BICD1: variants seen among roughly 807,000 people sequenced by gnomAD.
The protein encoded by BICD1 is protein bicaudal D homolog 1.
BICD1 carries 35 observed loss-of-function variants against 92.5 expected under a neutral mutation model. The observed-to-expected ratio is 0.38, with a 90% CI of 0.29 to 0.50. The LOEUF (loss-of-function observed/expected upper bound fraction) is 0.50, where lower values mean the gene tolerates loss of function less well. Among genes scored for constraint, BICD1 ranks in the 20% least tolerant of loss-of-function variants. The pLI is 0.93. For missense variants in BICD1, 950 were observed against 1,189.8 expected, an observed-to-expected ratio of 0.80 and a Z score of 2.97; for synonymous variants, 429 against 465.1, an observed-to-expected ratio of 0.92 and a Z score of 1.00.
intron 4 of BICD1, among the ~76,000 whole-genome samples, chr12:32,311,537 G>A (rs1444396693): frequency 6.6e-6 from 1 of 152,160 alleles, no homozygotes; most frequent in Non-Finnish European, 1.5e-5. Context: ...GTTTGGTTCA[G>A]AAAGGTGGGA....
chr12:32,109,752 T>A (rs1941618509), intron 1 of BICD1: 1 of 152,002 alleles, frequency 6.6e-6, no homozygotes, highest in African/African-American at 2.4e-5. Flanking sequence ...CCTATTATTT[T>A]TATTCTTTAA....
intron 7 of BICD1, chr12:32,338,582 C>CT (rs1376709018): frequency 3.5e-5 from 16 of 452,824 alleles, no homozygotes; most frequent in Non-Finnish European, 4.9e-5. Context: ...TGTAATAAAT[C>CT]TTTTTTCCAG....
At chr12:32,108,015 A>G in intron 1 of BICD1, 1 of 351,098 alleles carries the variant, frequency 2.8e-6, no homozygotes, top group Non-Finnish European at 5.4e-6. Flanking sequence ...TTGGTGAGAG[A>G]GGGAACTCCT....
intron 2 of BICD1, among the ~76,000 whole-genome samples, chr12:32,235,634 A>C (rs1329242994): frequency 2.0e-5 from 3 of 151,346 alleles, no homozygotes; most frequent in Non-Finnish European, 4.4e-5. Context: ...TCTTTTCAAC[A>C]GCATATGCTC....
chr12:32,251,480 T>C (rs1292473805), intron 2 of BICD1, among the ~76,000 whole-genome samples: 3 of 98,034 alleles, frequency 3.1e-5, no homozygotes, highest in Admixed American at 9.1e-5. Context: ...TCCTGGAGGC[T>C]CTAGGGAAGA....
chr12:32,128,115 G>T (rs1486383671), intron 1 of BICD1, among the ~76,000 whole-genome samples: 1 of 152,156 alleles, frequency 6.6e-6, no homozygotes, highest in African/African-American at 2.4e-5. Context: ...TGTTGGCCAG[G>T]CTGGTCTCAA....
intron 1 of BICD1, among the ~76,000 whole-genome samples, chr12:32,132,073 G>A (rs940135010): frequency 6.6e-6 from 1 of 152,180 alleles, no homozygotes; most frequent in Non-Finnish European, 1.5e-5. Context: ...ATTTGAGCAA[G>A]ATGGGAAAAT....
intron 8 of BICD1, 43 bp from the exon 9 acceptor site, chr12:32,367,627 G>C (rs375154665): frequency 3.2e-6 from 5 of 1,578,870 alleles, no homozygotes; most frequent in Non-Finnish European, 4.3e-6. Flanking sequence ...ACCTTGCTCT[G>C]TCATCTCTTT....
At chr12:32,244,544 G>A (rs1164849393) in intron 2 of BICD1, among the ~76,000 whole-genome samples, 2 of 151,954 alleles carry the variant, frequency 1.3e-5, no homozygotes, top group African/African-American at 4.8e-5. Context: ...CCAGCTGACA[G>A]GTACACAAGG....
At chr12:32,249,849 G>T (rs1946482710) in intron 2 of BICD1, among the ~76,000 whole-genome samples, 1 of 151,752 alleles carries the variant, frequency 6.6e-6, no homozygotes, top group Non-Finnish European at 1.5e-5. Context: ...GCATGACTTT[G>T]GTTCCCAGGA....
At chr12:32,281,288 G>A (rs1442657246) in intron 2 of BICD1, among the ~76,000 whole-genome samples, 1 of 152,110 alleles carries the variant, frequency 6.6e-6, no homozygotes, top group Non-Finnish European at 1.5e-5. Flanking sequence ...TTGCCCAGTT[G>A]TTAAGTCTGG....
chr12:32,282,853 C>T (rs896243785), intron 2 of BICD1, among the ~76,000 whole-genome samples: 2 of 152,184 alleles, frequency 1.3e-5, no homozygotes, highest in African/African-American at 2.4e-5. Context: ...CCAATGACAA[C>T]GTGCAAGTTG....
At chr12:32,108,490 A>G (rs1189248820) in intron 1 of BICD1, 2 of 483,336 alleles carry the variant, frequency 4.1e-6, no homozygotes, top group Non-Finnish European at 7.4e-6. Context: ...TTGAGGCACT[A>G]TGGGTAGCAA....
intron 8 of BICD1, among the ~76,000 whole-genome samples, chr12:32,346,556 A>G (rs1412795858): frequency 5.9e-4 from 16 of 27,232 alleles, no homozygotes; most frequent in East Asian, 3.8e-3. Context: ...ATATATATAT[A>G]TATATATATA....
intron 8 of BICD1, among the ~76,000 whole-genome samples, chr12:32,365,663 C>G (rs1169085795): frequency 6.6e-6 from 1 of 152,114 alleles, no homozygotes; most frequent in African/African-American, 2.4e-5. Context: ...CAGCACACAC[C>G]TGGTTGACTT....
Position 32,306,119 on chromosome 12 carries a change from G to A in BICD1, c.1002G>A (p.Met334Ile), listed in dbSNP as rs1275849281. The A allele has an allele frequency of 1.9e-6, 3 of 1,592,340 alleles. No homozygotes were observed. The Admixed American group carries it at 5.3e-5, about 28-fold the overall frequency. Reference sequence around the variant, plus strand: ...TACAGAAGTTGAAGCAGCAGCTTATGCAGGTAAGAACTTTGTTTAGGGCCG... The same window carrying A: ...TACAGAAGTTGAAGCAGCAGCTTATACAGGTAAGAACTTTGTTTAGGGCCG... ...SEIQKLKQQL[M>I]QVEREKAILL... The change falls in exon 4 of 10, where the codon ATG becomes ATA. Residue 334 changes from methionine (M) to isoleucine (I), a missense_variant. Around this residue, in one of 5 missense-constraint regions of BICD1, gnomAD observed 246 missense variants for 258.4 expected, o/e 0.95. Coordinates refer to ENST00000652176, the MANE Select transcript of BICD1 (RefSeq NM_001714.4).
rs201842580 is a variant in BICD1 at position 32,337,588 on chromosome 12, G to A, written c.2342G>A (p.Arg781Gln). The A allele has an allele frequency of 3.7e-6, 6 of 1,614,168 alleles. No individual in the cohort carries two copies. The highest frequency in any genetic ancestry group is 5.1e-6 in the Non-Finnish European group (6 of 1,180,042). Residue 781 changes from arginine (R) to glutamine (Q), a missense_variant, in exon 7 of 10, where the codon CGA becomes CAA. Physicochemically the swap from Arg to Gln is conservative, Grantham distance 43 (BLOSUM62 1). Coordinates refer to ENST00000652176, the MANE Select transcript of BICD1 (RefSeq NM_001714.4). This position sits in a 1 kb window ranked among gnomAD's most constrained non-coding sequence, Gnocchi z 4.7. Reference protein sequence around the residue: ...DEKKTLNTLLRMAIQQKLALT... With the variant: ...DEKKTLNTLLQMAIQQKLALT... ...AAGAAGACTCTGAACACTTTGTTAC[G>A]AATGGCTATCCAGCAAAAACTCGCC...
chr12:32,247,560 C>T (rs1946420535), intron 2 of BICD1, among the ~76,000 whole-genome samples: 1 of 152,102 alleles, frequency 6.6e-6, no homozygotes, highest in African/African-American at 2.4e-5. Flanking sequence ...GGGCAGATCA[C>T]TCGAGGTCAG....
chr12:32,354,857 T>C (rs1158215033), intron 8 of BICD1, among the ~76,000 whole-genome samples: 1 of 152,226 alleles, frequency 6.6e-6, no homozygotes, highest in East Asian at 1.9e-4. Flanking sequence ...TTATATATAA[T>C]ATTTCTTTCT....
Sources: allele counts gnomAD v4.1 joint callset (sites outside exome capture counted in the v4.1 genomes callset), GRCh38; gene constraint gnomAD v4.1.1; regional missense constraint gnomAD v4.1.1; non-coding constraint Gnocchi (gnomAD v3.1); transcripts MANE v1.5; gene names NCBI Gene and HGNC (gene_info 2026-07-23, HGNC 2026-07-21).